KCTD8: variants seen among roughly 807,000 people sequenced by gnomAD.
KCTD8 encodes BTB/POZ domain-containing protein KCTD8.
A neutral mutation model predicts 31.5 loss-of-function variants in KCTD8; 27 were observed. That is an observed-to-expected ratio of 0.86 (90% CI 0.63 to 1.18). KCTD8 has a LOEUF of 1.18. Among genes scored for constraint, KCTD8 ranks in the 50% most tolerant of loss-of-function variants. The pLI is 0.00. For synonymous variants in KCTD8, 290 were observed against 280.0 expected, an observed-to-expected ratio of 1.04 and a Z score of -0.36; for missense variants, 658 against 647.7, an observed-to-expected ratio of 1.02 and a Z score of -0.17.
At chr4:44,331,137 T>C (rs1718581286) in intron 1 of KCTD8, among the ~76,000 whole-genome samples, 1 of 151,926 alleles carries the variant, frequency 6.6e-6, no homozygotes, top group South Asian at 2.1e-4. Flanking sequence ...AGGAAGTTCA[T>C]TAAAAAATAA....
At chr4:44,255,538 A>G (rs1342475967) in intron 1 of KCTD8, among the ~76,000 whole-genome samples, 2 of 151,868 alleles carry the variant, frequency 1.3e-5, no homozygotes, top group African/African-American at 2.4e-5. Flanking sequence ...ACAGATCTCT[A>G]TTGTCTTAAT....
At chr4:44,361,175 T>C (rs1259056743) in intron 1 of KCTD8, among the ~76,000 whole-genome samples, 1 of 151,232 alleles carries the variant, frequency 6.6e-6, no homozygotes, top group Middle Eastern at 3.2e-3. Context: ...AGATCCTTAT[T>C]TTACAGGAGA....
At chr4:44,350,966 T>A (rs547487953) in intron 1 of KCTD8, among the ~76,000 whole-genome samples, 1 of 152,260 alleles carries the variant, frequency 6.6e-6, no homozygotes, top group Non-Finnish European at 1.5e-5. Flanking sequence ...ATTGGCTACC[T>A]GGGATGTCTC....
chr4:44,295,132 T>C (rs1333281380), intron 1 of KCTD8, among the ~76,000 whole-genome samples: 2 of 151,886 alleles, frequency 1.3e-5, no homozygotes, highest in Non-Finnish European at 2.9e-5. Flanking sequence ...GTCTCCATAT[T>C]TTAAAAAATA....
At chr4:44,213,087 G>A (rs916039250) in intron 1 of KCTD8, among the ~76,000 whole-genome samples, 4 of 151,996 alleles carry the variant, frequency 2.6e-5, no homozygotes, top group African/African-American at 4.8e-5. Flanking sequence ...ACAGGCGCCC[G>A]CCACCATGCC....
At chr4:44,371,437 C>T (rs549130667) in intron 1 of KCTD8, among the ~76,000 whole-genome samples, 1 of 152,266 alleles carries the variant, frequency 6.6e-6, no homozygotes, top group East Asian at 1.9e-4. Context: ...TATTGGCTTT[C>T]GTATCCCTGA....
At chr4:44,422,212 A>T (rs1721229453) in intron 1 of KCTD8, among the ~76,000 whole-genome samples, 1 of 152,152 alleles carries the variant, frequency 6.6e-6, no homozygotes, top group Non-Finnish European at 1.5e-5. Context: ...GAAAGTGCTC[A>T]ATTTAAATCT....
intron 1 of KCTD8, among the ~76,000 whole-genome samples, chr4:44,290,027 G>A (rs1046001580): frequency 6.6e-6 from 1 of 152,032 alleles, no homozygotes; most frequent in Non-Finnish European, 1.5e-5. Flanking sequence ...TGGGAAGTTG[G>A]ATCAGAAGAC....
intron 1 of KCTD8, among the ~76,000 whole-genome samples, chr4:44,216,911 G>C (rs1560397303): frequency 6.6e-6 from 1 of 152,058 alleles, no homozygotes; most frequent in Non-Finnish European, 1.5e-5. Context: ...TTTGTCAAAG[G>C]AGATGCATCT....
chr4:44,255,694 TA>T (rs1577577538), intron 1 of KCTD8, among the ~76,000 whole-genome samples: 1 of 151,868 alleles, frequency 6.6e-6, no homozygotes, highest in African/African-American at 2.4e-5. Flanking sequence ...GACTTCCATG[TA>T]AAAAATAATC....
At chr4:44,221,454 A>T (rs1199923864) in intron 1 of KCTD8, among the ~76,000 whole-genome samples, 1 of 151,980 alleles carries the variant, frequency 6.6e-6, no homozygotes, top group East Asian at 1.9e-4. Context: ...GTATATATGA[A>T]AGGGAGTTTA....
chr4:44,266,894 C>G (rs1716388584), intron 1 of KCTD8, among the ~76,000 whole-genome samples: 1 of 151,484 alleles, frequency 6.6e-6, no homozygotes, highest in African/African-American at 2.4e-5. Flanking sequence ...ATTCATAAAG[C>G]AAGTCCTGAG....
chr4:44,294,553 G>C (rs946139712), intron 1 of KCTD8, among the ~76,000 whole-genome samples: 1 of 152,098 alleles, frequency 6.6e-6, no homozygotes, highest in Non-Finnish European at 1.5e-5. Flanking sequence ...GGCTCACTTT[G>C]AAATAGAGTG....
In KCTD8 at chr4:44,178,620, G is replaced by T. The variant is rs1387951; in HGVS notation, c.962-3370C>A. ...AGCAACTTACATTAAGGATAAATAAGTGATGAAAAAAATAATTTCCTGTTT... is the reference window on the plus strand; with the variant it reads ...AGCAACTTACATTAAGGATAAATAATTGATGAAAAAAATAATTTCCTGTTT... On this transcript the variant is annotated intron_variant, in intron 1 of 1. Transcript: ENST00000360029. Among the ~76,000 whole-genome samples, 750 of 151,410 alleles carry T rather than the reference G, an allele frequency of 5.0e-3. 7 individuals are homozygous for T. The highest frequency in any genetic ancestry group is 0.018 in the African/African-American group (714 of 40,758).
chr4:44,363,161 G>A (rs553949141), intron 1 of KCTD8, among the ~76,000 whole-genome samples: 9 of 152,088 alleles, frequency 5.9e-5, no homozygotes, highest in Middle Eastern at 3.4e-3. Flanking sequence ...TTATAAGTAC[G>A]TTTTTGATCC....
chr4:44,201,720 C>A (rs994414437), intron 1 of KCTD8, among the ~76,000 whole-genome samples: 1 of 152,110 alleles, frequency 6.6e-6, no homozygotes, highest in East Asian at 1.9e-4. Flanking sequence ...TAGGAAATAC[C>A]CTTCTTGATA....
chr4:44,276,162 A>G (rs1030509905), intron 1 of KCTD8, among the ~76,000 whole-genome samples: 4 of 151,814 alleles, frequency 2.6e-5, no homozygotes, highest in African/African-American at 9.7e-5. Context: ...ACCATATAAA[A>G]GTTGGTCTTT....
intron 1 of KCTD8, among the ~76,000 whole-genome samples, chr4:44,393,598 A>G (rs1246518543): frequency 2.0e-5 from 3 of 151,566 alleles, no homozygotes; most frequent in African/African-American, 4.8e-5. Flanking sequence ...TAAAAATCCA[A>G]TAAGAAATTC....
At chr4:44,393,563 CATT>C in intron 1 of KCTD8, among the ~76,000 whole-genome samples, 1 of 149,672 alleles carries the variant, frequency 6.7e-6, no homozygotes, top group African/African-American at 2.4e-5. Flanking sequence ...TACCTACTCA[CATT>C]ATAAGTATTA....
Sources: gnomAD v4.1 joint callset for allele counts (sites outside exome capture counted in the v4.1 genomes callset) on GRCh38, gnomAD v4.1.1 for gene constraint, MANE v1.5 for transcripts, NCBI Gene and HGNC (gene_info 2026-07-23, HGNC 2026-07-21) for gene names.